Variants in KCNQ5 observed in about 807,000 individuals in gnomAD.
KCNQ5 encodes the protein potassium voltage-gated channel subfamily KQT member 5.
KCNQ5 carries 30 observed loss-of-function variants against 98.2 expected under a neutral mutation model. The ratio of observed to expected loss-of-function variants is 0.31; its 90% CI spans 0.23 to 0.41. The LOEUF (loss-of-function observed/expected upper bound fraction) is 0.41. Among genes scored for constraint, KCNQ5 ranks in the 10% least tolerant of loss-of-function variants. The pLI, the probability that KCNQ5 is intolerant of heterozygous loss-of-function variation, is 1.00. For synonymous variants in KCNQ5, 458 were observed against 449.4 expected, an observed-to-expected ratio of 1.02 and a Z score of -0.24; for missense variants, 835 against 1,182.5, an observed-to-expected ratio of 0.71 and a Z score of 4.31.
chr6:72,835,598 TTA>T (rs1776471726), intron 1 of KCNQ5, among the ~76,000 whole-genome samples: 1 of 152,222 alleles, frequency 6.6e-6, no homozygotes, highest in Non-Finnish European at 1.5e-5. Context: ...TGAATTATTA[TTA>T]TGTTTCAGAC....
intron 1 of KCNQ5, among the ~76,000 whole-genome samples, chr6:72,837,435 AG>A (rs145056572): frequency 0.011 from 1,655 of 152,164 alleles, 21 homozygotes; most frequent in Non-Finnish European, 0.018. Flanking sequence ...TTCATTGTCT[AG>A]TACCTTGCCT....
Position 73,197,317 on chromosome 6 carries a change from C to T in KCNQ5, c.*1903C>T, listed in dbSNP as rs1161444441. On this transcript the variant is annotated 3_prime_UTR_variant, in exon 14 of 14. Coordinates refer to ENST00000370398, the MANE Select transcript of KCNQ5 (RefSeq NM_019842.4). ...TTCTCAACCTTTTAGAACCTTGTCC[C>T]TTTTGATAAACATGGAAATTTTTAA... The T allele has an allele frequency of 6.6e-6, 1 of 152,242 alleles. No homozygotes were observed. Among genetic ancestry groups the T allele is most frequent in the East Asian group, 1.9e-4 (1 of 5,184 alleles). 9.4% of individuals were successfully genotyped at this position (152,242 alleles called of 1,614,324 possible). A position where few individuals can be genotyped will look rare whatever the true frequency, so the allele number is the denominator to read the frequency against.
At chr6:73,097,291 T>G (rs1294141134) in intron 5 of KCNQ5, among the ~76,000 whole-genome samples, 1 of 150,996 alleles carries the variant, frequency 6.6e-6, no homozygotes, top group Non-Finnish European at 1.5e-5. Context: ...TTTCATTGTT[T>G]CAGATTCCCC....
chr6:72,840,429 T>C (rs1380105602), intron 1 of KCNQ5, among the ~76,000 whole-genome samples: 1 of 152,050 alleles, frequency 6.6e-6, no homozygotes, highest in Admixed American at 6.5e-5. Flanking sequence ...AAACTTGGAG[T>C]CCTCTTTCTC....
At chr6:72,824,787 G>A (rs2840801) in intron 1 of KCNQ5, among the ~76,000 whole-genome samples, 4 of 150,818 alleles carry the variant, frequency 2.7e-5, no homozygotes, top group African/African-American at 9.7e-5. Flanking sequence ...CTCTGTCTCT[G>A]TGTGTGTGTG....
At chr6:72,896,095 A>C (rs1282884637) in intron 1 of KCNQ5, among the ~76,000 whole-genome samples, 1 of 152,208 alleles carries the variant, frequency 6.6e-6, no homozygotes, top group Non-Finnish European at 1.5e-5. Context: ...ATTATAACAA[A>C]GTTATGTACA....
At chr6:72,715,950 C>A (rs543289720) in intron 1 of KCNQ5, among the ~76,000 whole-genome samples, 74 of 152,026 alleles carry the variant, frequency 4.9e-4, no homozygotes, top group Non-Finnish European at 8.5e-4. Flanking sequence ...TACTGTTGAT[C>A]TTAACAATAA....
At chr6:73,008,102 A>G (rs1769896685) in intron 2 of KCNQ5, among the ~76,000 whole-genome samples, 1 of 152,154 alleles carries the variant, frequency 6.6e-6, no homozygotes, top group Admixed American at 6.5e-5. Flanking sequence ...ATAGCTATAG[A>G]ATATACACAA....
intron 1 of KCNQ5, among the ~76,000 whole-genome samples, chr6:72,780,147 C>G (rs1038358687): frequency 3.3e-5 from 5 of 152,134 alleles, no homozygotes; most frequent in African/African-American, 1.2e-4. Flanking sequence ...AACATTACCA[C>G]AAACCACAGT....
chr6:72,709,331 A>G (rs917787652), intron 1 of KCNQ5, among the ~76,000 whole-genome samples: 1 of 152,220 alleles, frequency 6.6e-6, no homozygotes, highest in African/African-American at 2.4e-5. Context: ...AATCCCATTC[A>G]TTAGTGAACT....
chr6:72,970,582 A>G (rs1767839626), intron 1 of KCNQ5, among the ~76,000 whole-genome samples: 1 of 152,188 alleles, frequency 6.6e-6, no homozygotes, highest in South Asian at 2.1e-4. Flanking sequence ...GCATCACGCT[A>G]CCTAACTTCA....
chr6:73,174,226 CT>C (rs1261624850), intron 11 of KCNQ5, among the ~76,000 whole-genome samples: 2 of 152,106 alleles, frequency 1.3e-5, no homozygotes, highest in African/African-American at 4.8e-5. Context: ...TCAGATCACA[CT>C]TTTAAGGCCA....
At chr6:72,718,642 G>C (rs1384505109) in intron 1 of KCNQ5, among the ~76,000 whole-genome samples, 1 of 151,608 alleles carries the variant, frequency 6.6e-6, no homozygotes, top group Admixed American at 6.6e-5. Context: ...GTAGAGACGG[G>C]GTTTCACCAT....
intron 1 of KCNQ5, among the ~76,000 whole-genome samples, chr6:72,832,474 G>A (rs879231930): frequency 1.3e-5 from 2 of 152,176 alleles, no homozygotes; most frequent in Admixed American, 1.3e-4. Flanking sequence ...ACTAAGCATC[G>A]TGTCATGCAC....
chr6:72,832,434 TGGCATCCCTGGGTAGA>T (rs1337689740), intron 1 of KCNQ5, among the ~76,000 whole-genome samples: 2 of 152,220 alleles, frequency 1.3e-5, no homozygotes, highest in East Asian at 3.9e-4. Flanking sequence ...GTGATACCAC[TGGCATCCCTGGGTAGA>T]GGCCAGGGAA....
chr6:73,034,839 C>CTTTTT (rs71669816), intron 2 of KCNQ5, among the ~76,000 whole-genome samples: 13 of 113,536 alleles, frequency 1.1e-4, no homozygotes, highest in African/African-American at 4.0e-4. Context: ...TGCCTCTTTT[C>CTTTTT]TTTTTTTTTT....
chr6:72,656,706 CT>C (rs1160622012), intron 1 of KCNQ5, among the ~76,000 whole-genome samples: 28 of 152,274 alleles, frequency 1.8e-4, no homozygotes, highest in African/African-American at 6.0e-4. Flanking sequence ...ATAGACTCAA[CT>C]TCCTGATATT....
intron 3 of KCNQ5, among the ~76,000 whole-genome samples, chr6:73,060,168 T>C (rs971066634): frequency 9.9e-5 from 15 of 152,128 alleles, no homozygotes; most frequent in African/African-American, 2.9e-4. Context: ...ATTGCCCTAT[T>C]CTTAAAACTA....
intron 1 of KCNQ5, among the ~76,000 whole-genome samples, chr6:72,780,873 T>A (rs11960994): frequency 0.011 from 1,698 of 152,070 alleles, 26 homozygotes; most frequent in African/African-American, 0.038. Flanking sequence ...AGTGATTTTC[T>A]TAGATTCAGC....
Sources: allele counts gnomAD v4.1 joint callset (sites outside exome capture counted in the v4.1 genomes callset), GRCh38; gene constraint gnomAD v4.1.1; transcripts MANE v1.5; gene names NCBI Gene and HGNC (gene_info 2026-07-23, HGNC 2026-07-21).